Variants in KLHL22 observed in about 807,000 individuals in gnomAD.
KLHL22 encodes the protein kelch-like protein 22.
In KLHL22, 18 loss-of-function variants were observed where a neutral mutation model predicts 60.7. That is an observed-to-expected ratio of 0.30 (90% CI 0.20 to 0.44). KLHL22 has a LOEUF of 0.44. KLHL22 is among the 20% of genes least tolerant of loss of function. KLHL22 has a pLI of 1.00. For synonymous variants in KLHL22, 355 were observed against 354.5 expected (o/e 1.00, Z -0.01); for missense variants, 596 against 852.3 (o/e 0.70, Z 3.74).
At chr22:20,481,634 G>A (rs149521281) in intron 2 of KLHL22, among the ~76,000 whole-genome samples, 154 of 152,160 alleles carry the variant, frequency 1.0e-3, no homozygotes, top group African/African-American at 3.2e-3. Flanking sequence ...TTGCTCTGTC[G>A]CGCAAGCTGG....
At chr22:20,449,282 A>G (rs903300493) in intron 5 of KLHL22, among the ~76,000 whole-genome samples, 3 of 151,298 alleles carry the variant, frequency 2.0e-5, no homozygotes, top group Non-Finnish European at 4.4e-5. Context: ...GGATGGTCTC[A>G]ATCTCCTGAC....
chr22:20,466,512 A>G (rs2146223337), intron 3 of KLHL22, among the ~76,000 whole-genome samples: 1 of 152,184 alleles, frequency 6.6e-6, no homozygotes, highest in East Asian at 1.9e-4. Flanking sequence ...ATTCTCTGGA[A>G]GAGCCTGCCT....
chr22:20,463,641 GAAGTCT>G (rs902375598), intron 4 of KLHL22, among the ~76,000 whole-genome samples: 14 of 152,370 alleles, frequency 9.2e-5, no homozygotes, highest in African/African-American at 3.4e-4. Context: ...TGGCCAAAGG[GAAGTCT>G]AAACCTAGTG....
intron 4 of KLHL22, among the ~76,000 whole-genome samples, chr22:20,459,043 T>G (rs1468592351): frequency 3.4e-4 from 51 of 152,054 alleles, no homozygotes; most frequent in Admixed American, 3.3e-3. Context: ...GAGCATGGCC[T>G]GCAATGTGGA....
At chr22:20,451,107 G>T in intron 5 of KLHL22, 1 of 1,484,988 alleles carries the variant, frequency 6.7e-7, no homozygotes, top group East Asian at 2.3e-5. Flanking sequence ...TACATGACCA[G>T]ATCTACGTCA....
Position 20,465,412 on chromosome 22 carries a change from G to A in KLHL22, c.558C>T (p.Asp186=). 6.2e-7 allele frequency: 1 copy of A among 1,614,204 alleles called. No individual in the cohort carries two copies. Among genetic ancestry groups the A allele is most frequent in the Non-Finnish European group, 8.5e-7 (1 of 1,180,036 alleles). Residue 186 remains aspartate (D), a synonymous_variant, in exon 4 of 7, where the codon GAC becomes GAT. Transcript: ENST00000328879. This position sits in a 1 kb window ranked among gnomAD's most constrained non-coding sequence, Gnocchi z 4.9. ...LKNFVAFSRT[D]KYRQLPLEKV... ...TCTCCAATGGAAGCTGGCGGTACTTGTCAGTCCGAGAGAAGGCCACAAAGT... is the reference window on the plus strand; with the variant it reads ...TCTCCAATGGAAGCTGGCGGTACTTATCAGTCCGAGAGAAGGCCACAAAGT...
chr22:20,462,871 G>A lies in KLHL22; in HGVS notation c.1112+1987C>T, dbSNP rs186593576. On this transcript the variant is annotated intron_variant, in intron 4 of 6. Coordinates refer to ENST00000328879, the MANE Select transcript of KLHL22 (RefSeq NM_032775.4). Reference sequence around the variant, plus strand: ...CACCATTTGCTCCAAGAGAGGAAAGGTTTTTAAATATGCGGTTTCTGCACC... The same window carrying A: ...CACCATTTGCTCCAAGAGAGGAAAGATTTTTAAATATGCGGTTTCTGCACC... Among the ~76,000 whole-genome samples, 50 of 152,200 alleles carry A rather than the reference G, an allele frequency of 3.3e-4. No homozygotes were observed. In the East Asian group the frequency reaches 6.9e-3, roughly 21 times the overall value.
chr22:20,486,148 C>CA (rs1295212681), intron 2 of KLHL22, among the ~76,000 whole-genome samples: 2 of 124,714 alleles, frequency 1.6e-5, no homozygotes, highest in Non-Finnish European at 3.2e-5. Context: ...GCCTGGGTGA[C>CA]AGAGTGAGAT....
chr22:20,458,230 C>T (rs1430675240), intron 4 of KLHL22, among the ~76,000 whole-genome samples: 2 of 151,558 alleles, frequency 1.3e-5, no homozygotes, highest in Non-Finnish European at 2.9e-5. Context: ...CCAGGAGCCT[C>T]CTGTGTTTCC....
At chr22:20,492,362 T>G (rs1359160385) in intron 1 of KLHL22, among the ~76,000 whole-genome samples, 1 of 152,080 alleles carries the variant, frequency 6.6e-6, no homozygotes, top group Non-Finnish European at 1.5e-5. Flanking sequence ...CCAGTTTCCC[T>G]ACCTCTTGTC....
At chr22:20,470,201 C>G (rs527380544) in intron 3 of KLHL22, among the ~76,000 whole-genome samples, 4 of 151,404 alleles carry the variant, frequency 2.6e-5, no homozygotes, top group African/African-American at 9.7e-5. Context: ...TATATAATAT[C>G]AGCTAGGCAC....
In KLHL22 at chr22:20,464,617, G is replaced by C. The variant is rs2053202446; in HGVS notation, c.1112+241C>G. On this transcript the variant is annotated intron_variant, in intron 4 of 6. Coordinates refer to ENST00000328879, the MANE Select transcript of KLHL22 (RefSeq NM_032775.4). ...AGCCTACCCCAAAGAGGCTGAGCAA[G>C]GGTCCAGGGTAAGTGGGTTTCTGAG... 2.6e-5 allele frequency among the ~76,000 whole-genome samples: 4 copies of C among 152,180 alleles called. No homozygotes were observed. The South Asian group carries it at 8.3e-4, about 32-fold the overall frequency.
At chr22:20,461,862 G>A (rs1054551654) in intron 4 of KLHL22, among the ~76,000 whole-genome samples, 3 of 152,148 alleles carry the variant, frequency 2.0e-5, no homozygotes, top group African/African-American at 7.2e-5. Flanking sequence ...ACTTTGGGAG[G>A]CCCAGGTGGG....
chr22:20,466,896 G>A (rs552907031), intron 3 of KLHL22, among the ~76,000 whole-genome samples: 2 of 152,288 alleles, frequency 1.3e-5, no homozygotes, highest in South Asian at 4.1e-4. Flanking sequence ...TTGAAAGGAC[G>A]GCAAGAGAGA....
At position 20,468,150 on chromosome 22, in the gene KLHL22, T is replaced by C. The variant is rs2053263200; in HGVS notation, c.394-2574A>G. On this transcript the variant is annotated intron_variant, in intron 3 of 6. Transcript: ENST00000328879. Reference sequence around the variant, plus strand: ...GACCAGCTTCACTTGACCTTCTTTTTTCCCTTTTTGCCAGTCTTCTGCTTT... The same window carrying C: ...GACCAGCTTCACTTGACCTTCTTTTCTCCCTTTTTGCCAGTCTTCTGCTTT... Among the ~76,000 whole-genome samples the C allele has an allele frequency of 3.3e-5, 5 of 152,220 alleles. No individual in the cohort carries two copies. In the South Asian group the frequency reaches 1.0e-3, roughly 32 times the overall value.
chr22:20,474,954 C>T lies in KLHL22; in HGVS notation c.228-3439G>A, dbSNP rs180729541. Among the ~76,000 whole-genome samples, 443 of 152,310 alleles carry T rather than the reference C, an allele frequency of 2.9e-3. 1 individual carries two copies. The highest frequency in any genetic ancestry group is 6.2e-3 in the Admixed American group (95 of 15,294). On this transcript the variant is annotated intron_variant, in intron 2 of 6. Transcript: ENST00000328879. ...CCTCTACCCCCAACCCAGGAAGACACCAGCTCTAACTCACCACCACAAAAG... is the reference window on the plus strand; with the variant it reads ...CCTCTACCCCCAACCCAGGAAGACATCAGCTCTAACTCACCACCACAAAAG...
chr22:20,473,013 C>G (rs1480238215), intron 2 of KLHL22, among the ~76,000 whole-genome samples: 1 of 152,134 alleles, frequency 6.6e-6, no homozygotes, highest in African/African-American at 2.4e-5. Context: ...GGCAGGCAGG[C>G]CTTGGAGCCA....
intron 2 of KLHL22, among the ~76,000 whole-genome samples, chr22:20,486,180 A>G (rs1202473191): frequency 6.6e-6 from 1 of 151,708 alleles, no homozygotes; most frequent in African/African-American, 2.4e-5. Context: ...AAAAAAAAAA[A>G]AAAAAGAAAT....
At chr22:20,459,096 G>C (rs922022623) in intron 4 of KLHL22, among the ~76,000 whole-genome samples, 6 of 152,220 alleles carry the variant, frequency 3.9e-5, no homozygotes, top group African/African-American at 1.4e-4. Flanking sequence ...GACCCAGTGA[G>C]CTCAAAGCCA....
Sources: gnomAD v4.1 joint callset for allele counts (sites outside exome capture counted in the v4.1 genomes callset) on GRCh38, gnomAD v4.1.1 for gene constraint, Gnocchi (gnomAD v3.1) non-coding constraint, MANE v1.5 for transcripts, NCBI Gene and HGNC (gene_info 2026-07-23, HGNC 2026-07-21) for gene names.